Variants in MOB1B observed in about 807,000 individuals in gnomAD.
The protein encoded by MOB1B is MOB1 Mps One Binder homolog B.
Under a neutral mutation model 24.4 loss-of-function variants are expected in MOB1B, and 19 were observed. The observed-to-expected ratio is 0.78, with a 90% CI of 0.54 to 1.14. The LOEUF (loss-of-function observed/expected upper bound fraction) is 1.14. Ranked by LOEUF, MOB1B falls within the 50% of genes most tolerant of loss-of-function variation. The pLI is 0.00. For missense variants in MOB1B, 243 were observed against 259.6 expected (o/e 0.94, Z 0.44); for synonymous variants, 76 against 82.1 (o/e 0.93, Z 0.40).
intron 4 of MOB1B, among the ~76,000 whole-genome samples, chr4:70,978,331 A>G (rs1281907371): frequency 2.0e-5 from 3 of 152,202 alleles, no homozygotes; most frequent in African/African-American, 7.2e-5. Context: ...TCATCTGTTG[A>G]TGGACACCTG....
intron 2 of MOB1B, among the ~76,000 whole-genome samples, chr4:70,968,687 T>C (rs1738636493): frequency 6.6e-6 from 1 of 152,160 alleles, no homozygotes; most frequent in Non-Finnish European, 1.5e-5. Context: ...AAATCATAGC[T>C]CATTATAGCC....
chr4:70,927,574 T>C (rs543544672), intron 1 of MOB1B, among the ~76,000 whole-genome samples: 5 of 152,106 alleles, frequency 3.3e-5, no homozygotes, highest in Non-Finnish European at 7.4e-5. Flanking sequence ...ACCACAGTTA[T>C]AAATATGTGT....
At chr4:70,942,601 TG>T (rs113577405) in intron 1 of MOB1B, among the ~76,000 whole-genome samples, 28 of 152,294 alleles carry the variant, frequency 1.8e-4, no homozygotes, top group African/African-American at 6.5e-4. Flanking sequence ...AAATAAAACT[TG>T]TACCTATCCT....
At chr4:70,947,302 C>T (rs765313854) in intron 1 of MOB1B, among the ~76,000 whole-genome samples, 53 of 152,190 alleles carry the variant, frequency 3.5e-4, no homozygotes, top group South Asian at 2.1e-4. Context: ...CAGGGTCTCA[C>T]TCTGTCACTC....
At chr4:70,952,912 ACT>A (rs775557562) in intron 1 of MOB1B, among the ~76,000 whole-genome samples, 12 of 118,868 alleles carry the variant, frequency 1.0e-4, no homozygotes, top group South Asian at 5.5e-4. Flanking sequence ...GAATTTGAAG[ACT>A]CTGTCATTTT....
At chr4:70,911,041 C>T (rs1051549116) in intron 1 of MOB1B, among the ~76,000 whole-genome samples, 1 of 152,224 alleles carries the variant, frequency 6.6e-6, no homozygotes, top group Non-Finnish European at 1.5e-5. Context: ...CCGCCTTGGC[C>T]TCCCAAAGTG....
intron 1 of MOB1B, among the ~76,000 whole-genome samples, chr4:70,907,320 G>A (rs759062888): frequency 1.1e-4 from 17 of 152,116 alleles, no homozygotes; most frequent in Non-Finnish European, 2.5e-4. Flanking sequence ...CAGGGAAATT[G>A]AGGATAAAAG....
chr4:70,938,453 C>T (rs1053995838), intron 1 of MOB1B, among the ~76,000 whole-genome samples: 22 of 150,964 alleles, frequency 1.5e-4, no homozygotes, highest in African/African-American at 5.1e-4. Flanking sequence ...TTCACTTTAT[C>T]TCCATGTGTT....
chr4:70,975,296 A>G lies in MOB1B; in HGVS notation c.409+10A>G. On this transcript the variant is annotated intron_variant, in intron 4 of 5. Transcript: ENST00000309395. ...TTTCCATCAAAAATTGGTATAATTA[A>G]TTTTTGTAAGGGGGATCCATCATGA... is the stretch of plus-strand genomic sequence containing the variant. 1 of 1,609,612 alleles carries G rather than the reference A, an allele frequency of 6.2e-7. No homozygotes were observed. Among genetic ancestry groups the G allele is most frequent in the Non-Finnish European group, 8.5e-7 (1 of 1,178,748 alleles).
chr4:70,966,635 A>G (rs1032008749), intron 2 of MOB1B, among the ~76,000 whole-genome samples: 10 of 151,928 alleles, frequency 6.6e-5, no homozygotes, highest in Admixed American at 2.0e-4. Flanking sequence ...CAGCCTCCCA[A>G]AGTGCTGGGA....
At chr4:70,934,432 G>A (rs776505064) in intron 1 of MOB1B, among the ~76,000 whole-genome samples, 4 of 151,660 alleles carry the variant, frequency 2.6e-5, no homozygotes, top group Non-Finnish European at 2.9e-5. Flanking sequence ...ACTGTGGACA[G>A]TTGAGCCAAG....
rs143538366 is a variant in MOB1B at position 70,944,944 on chromosome 4, A to G, written c.15-13930A>G. The stretch of plus-strand genomic sequence containing the variant: ...TCAACATGAGATTTGGGTGGGGACA[A>G]ATATCCAAACTGTCTCACCCTTGGT... On this transcript the variant is annotated intron_variant, in intron 1 of 5. Coordinates refer to ENST00000309395, the MANE Select transcript of MOB1B (RefSeq NM_173468.4). Among the ~76,000 whole-genome samples the G allele has an allele frequency of 2.5e-4, 38 of 152,304 alleles. No individual in the cohort carries two copies. In the East Asian group the frequency reaches 6.9e-3, roughly 28 times the overall value.
At chr4:70,974,382 G>A (rs1738892788) in intron 3 of MOB1B, among the ~76,000 whole-genome samples, 1 of 152,146 alleles carries the variant, frequency 6.6e-6, no homozygotes, top group Non-Finnish European at 1.5e-5. Flanking sequence ...AGGATTACAG[G>A]TGTGAGCCAC....
intron 1 of MOB1B, among the ~76,000 whole-genome samples, chr4:70,924,654 C>T (rs1407852299): frequency 6.6e-6 from 1 of 152,172 alleles, no homozygotes; most frequent in African/African-American, 2.4e-5. Context: ...ACCAGCAGGC[C>T]ACAGTGTGTG....
intron 1 of MOB1B, among the ~76,000 whole-genome samples, chr4:70,912,679 A>T (rs1255311085): frequency 6.6e-6 from 1 of 152,236 alleles, no homozygotes; most frequent in Non-Finnish European, 1.5e-5. Flanking sequence ...ATTGAGTTTC[A>T]TCTGTTGCTT....
intron 1 of MOB1B, among the ~76,000 whole-genome samples, chr4:70,905,486 A>T (rs1022536337): frequency 6.6e-6 from 1 of 151,256 alleles, no homozygotes; most frequent in African/African-American, 2.4e-5. Flanking sequence ...CAAACAATCC[A>T]CTCATCTTTG....
rs376923445 is a variant in MOB1B, at chr4:70,980,255, T to G, written c.573+964T>G. 1.0e-2 allele frequency among the ~76,000 whole-genome samples: 1,516 copies of G among 152,312 alleles called. 10 individuals are homozygous for G. The highest frequency in any genetic ancestry group is 0.016 in the Non-Finnish European group (1,077 of 68,018). ...CTGTTGCTCTCAACAGTTACTTTAC[T>G]GTGGTATCCCATGTCCAGAACTCAG... On this transcript the variant is annotated intron_variant, in intron 5 of 5. Coordinates refer to ENST00000309395, the MANE Select transcript of MOB1B (RefSeq NM_173468.4).
At chr4:70,906,724 G>A (rs562536051) in intron 1 of MOB1B, among the ~76,000 whole-genome samples, 11 of 152,280 alleles carry the variant, frequency 7.2e-5, no homozygotes, top group Admixed American at 7.2e-4. Context: ...CTTTGGTTGT[G>A]CCGCAGTTTG....
intron 1 of MOB1B, among the ~76,000 whole-genome samples, chr4:70,950,521 G>A (rs961693151): frequency 6.6e-6 from 1 of 151,306 alleles, no homozygotes; most frequent in African/African-American, 2.4e-5. Flanking sequence ...ATAATCTTGA[G>A]CAGAGTATGT....
Sources: allele counts gnomAD v4.1 joint callset (sites outside exome capture counted in the v4.1 genomes callset), GRCh38; gene constraint gnomAD v4.1.1; transcripts MANE v1.5; gene names NCBI Gene and HGNC (gene_info 2026-07-23, HGNC 2026-07-21).